ZNF322: variants seen among roughly 807,000 people sequenced by gnomAD.
ZNF322 encodes zinc finger protein 322.
ZNF322 carries 1 observed loss-of-function variant against 18.3 expected under a neutral mutation model. The ratio of observed to expected loss-of-function variants is 0.05; its 90% CI spans 0.02 to 0.26. The LOEUF is 0.26. Among genes scored for constraint, ZNF322 ranks in the 10% least tolerant of loss-of-function variants. The probability of loss-of-function intolerance (pLI) is 1.00; values close to 1 mark genes in which losing one functional copy is unlikely to be tolerated. For missense variants in ZNF322, 36 were observed against 403.6 expected (o/e 0.09, Z 7.80); for synonymous variants, 17 against 130.7 (o/e 0.13, Z 5.93).
chr6:26,639,374 AT>A (rs1228294651), intron 3 of ZNF322, among the ~76,000 whole-genome samples: 4 of 152,198 alleles, frequency 2.6e-5, no homozygotes, highest in Non-Finnish European at 1.5e-5. Flanking sequence ...TGATATGATT[AT>A]ATAAGCACAT....
intron 2 of ZNF322, among the ~76,000 whole-genome samples, chr6:26,645,748 A>G (rs1265132866): frequency 6.6e-6 from 1 of 152,142 alleles, no homozygotes; most frequent in Non-Finnish European, 1.5e-5. Context: ...AGATCTAAGT[A>G]TGGTCAGGTG....
In ZNF322 at chr6:26,652,066, T is replaced by A. The variant is rs1765680013; in HGVS notation, c.-246+6492A>T. 3.3e-5 allele frequency among the ~76,000 whole-genome samples: 5 copies of A among 152,300 alleles called. No individual in the cohort carries two copies. In the South Asian group the frequency reaches 1.0e-3, roughly 32 times the overall value. ...CCAGGCTGGTATTGAACTCCTGAGC[T>A]CAACTGATCTGCCTACCTTGGCCTC... On this transcript the variant is annotated intron_variant, in intron 2 of 3. Coordinates refer to ENST00000415922, the MANE Select transcript of ZNF322 (RefSeq NM_024639.5).
intron 2 of ZNF322, among the ~76,000 whole-genome samples, chr6:26,644,782 C>T (rs781953663): frequency 6.6e-6 from 1 of 152,110 alleles, no homozygotes; most frequent in Non-Finnish European, 1.5e-5. Flanking sequence ...AGTTTTCACA[C>T]CATTTATTTA....
chr6:26,655,443 C>T (rs75375429), intron 2 of ZNF322, among the ~76,000 whole-genome samples: 18,011 of 152,118 alleles, frequency 0.12, 1,284 homozygotes, highest in Admixed American at 0.15. Flanking sequence ...AAAATGTATT[C>T]GAATGACTGT....
chr6:26,649,694 TATA>T (rs1410945601), intron 2 of ZNF322, among the ~76,000 whole-genome samples: 6,733 of 72,304 alleles, frequency 0.093, 1,287 homozygotes, highest in East Asian at 0.12. Context: ...TATATATATA[TATA>T]TATATTTTTT....
At chr6:26,648,546 G>A (rs1554148888) in intron 2 of ZNF322, among the ~76,000 whole-genome samples, 1 of 152,114 alleles carries the variant, frequency 6.6e-6, no homozygotes, top group African/African-American at 2.4e-5. Context: ...CCCTACAAAG[G>A]ACCAATGCTA....
At chr6:26,655,176 G>T (rs1561926645) in intron 2 of ZNF322, among the ~76,000 whole-genome samples, 1 of 152,134 alleles carries the variant, frequency 6.6e-6, no homozygotes, top group South Asian at 2.1e-4. Context: ...TAAATTAAAT[G>T]ACTGATGCTG....
At chr6:26,646,018 C>T (rs1044795399) in intron 2 of ZNF322, among the ~76,000 whole-genome samples, 15 of 149,596 alleles carry the variant, frequency 1.0e-4, no homozygotes, top group African/African-American at 3.5e-4. Context: ...GCAACAACAG[C>T]GAAACTCCGC....
At chr6:26,655,336 A>G (rs1262899707) in intron 2 of ZNF322, among the ~76,000 whole-genome samples, 1 of 152,266 alleles carries the variant, frequency 6.6e-6, no homozygotes, top group East Asian at 1.9e-4. Context: ...AATGGTAATG[A>G]TAATTTCTAG....
At chr6:26,642,945 A>C (rs1765490890) in intron 3 of ZNF322, among the ~76,000 whole-genome samples, 1 of 152,162 alleles carries the variant, frequency 6.6e-6, no homozygotes, top group Non-Finnish European at 1.5e-5. Context: ...TTCAAAACAC[A>C]TCCAGAGTCT....
intron 2 of ZNF322, among the ~76,000 whole-genome samples, chr6:26,646,466 T>C: frequency 6.6e-6 from 1 of 152,120 alleles, no homozygotes; most frequent in East Asian, 1.9e-4. Flanking sequence ...AATAATACTT[T>C]CTAAATTACA....
intron 2 of ZNF322, among the ~76,000 whole-genome samples, chr6:26,649,686 TATATATA>T (rs1765628084): frequency 1.2e-5 from 1 of 84,220 alleles, no homozygotes; most frequent in Non-Finnish European, 2.4e-5. Context: ...TATATATATA[TATATATA>T]TATATATATT....
At chr6:26,649,699 A>T (rs66829314) in intron 2 of ZNF322, among the ~76,000 whole-genome samples, 34,317 of 66,042 alleles carry the variant, frequency 0.52, 9,610 homozygotes, top group East Asian at 0.61. Flanking sequence ...ATATATATAT[A>T]TATTTTTTTT....
intron 2 of ZNF322, among the ~76,000 whole-genome samples, chr6:26,653,300 G>A (rs555948049): frequency 6.6e-6 from 1 of 152,280 alleles, no homozygotes; most frequent in South Asian, 2.1e-4. Context: ...AATCTCGTCC[G>A]GAGGGGAATG....
chr6:26,648,113 C>A (rs1026901582), intron 2 of ZNF322, among the ~76,000 whole-genome samples: 6 of 151,948 alleles, frequency 3.9e-5, no homozygotes, highest in African/African-American at 1.2e-4. Context: ...ATACCATGAC[C>A]AAGTGGAATT....
intron 3 of ZNF322, among the ~76,000 whole-genome samples, chr6:26,640,832 C>T (rs2504599): frequency 0.46 from 69,264 of 151,988 alleles, 16,147 homozygotes; most frequent in East Asian, 0.67. Context: ...TATATGTGCA[C>T]TTTTCTGGGG....
At position 26,638,228 on chromosome 6, in the gene ZNF322, C is replaced by T; in HGVS notation, c.326G>A (p.Trp109Ter). 6.2e-7 allele frequency: 1 copy of T among 1,613,826 alleles called. No individual in the cohort carries two copies. Residue 109 changes from tryptophan to a stop codon, truncating the protein, a stop_gained, in exon 4 of 4, where the codon TGG (tryptophan) becomes TAG (stop). Transcript: ENST00000415922. LOFTEE classifies it high-confidence loss of function. ...ATGTCCTGAAAGCGCTAAGTGATGC[C>T]AAAAGCTCTTCTCACATTTGCTACA... ...YKCSKCEKSF[W>*]HHLALSGHQR...
intron 2 of ZNF322, among the ~76,000 whole-genome samples, chr6:26,644,258 C>G (rs1342561054): frequency 6.6e-6 from 1 of 152,180 alleles, no homozygotes; most frequent in African/African-American, 2.4e-5. Context: ...GTTAGAGAGT[C>G]CACACTTAAC....
intron 2 of ZNF322, among the ~76,000 whole-genome samples, chr6:26,653,228 C>T (rs533905002): frequency 1.3e-5 from 2 of 152,020 alleles, no homozygotes; most frequent in African/African-American, 2.4e-5. Flanking sequence ...ATGCATTTTG[C>T]GGTCAACACT....
Sources: allele counts gnomAD v4.1 joint callset (sites outside exome capture counted in the v4.1 genomes callset), GRCh38; gene constraint gnomAD v4.1.1; transcripts MANE v1.5; gene names NCBI Gene and HGNC (gene_info 2026-07-23, HGNC 2026-07-21).